The following ETV1 variants were observed in gnomAD, a reference collection of about 807,000 sequenced individuals.
ETV1 encodes ETS translocation variant 1.
Under a neutral mutation model 62.3 loss-of-function variants are expected in ETV1, and 27 were observed. The ratio of observed to expected loss-of-function variants is 0.43; its 90% CI spans 0.32 to 0.60. The LOEUF is 0.60. Ranked by LOEUF, ETV1 falls within the 20% of genes least tolerant of loss-of-function variation. The probability of loss-of-function intolerance (pLI) is 0.06; values close to 1 mark genes in which losing one functional copy is unlikely to be tolerated. For missense variants in ETV1, 605 were observed against 605.8 expected, an observed-to-expected ratio of 1.00 and a Z score of 0.01; for synonymous variants, 222 against 199.6, an observed-to-expected ratio of 1.11 and a Z score of -0.94.
chr7:13,894,616 C>G lies in ETV1; in HGVS notation c.*1250G>C, dbSNP rs898225800. 1.7e-5 allele frequency: 4 copies of G among 232,446 alleles called. No homozygotes were observed. The highest frequency in any genetic ancestry group is 8.8e-5 in the African/African-American group (4 of 45,296). 14.4% of individuals were successfully genotyped at this position (232,446 alleles called of 1,614,324 possible). A position where few individuals can be genotyped will look rare whatever the true frequency, so the allele number is the denominator to read the frequency against. On this transcript the variant is annotated 3_prime_UTR_variant, in exon 14 of 14. Transcript: ENST00000430479. Reference sequence around the variant, plus strand: ...TGCATAAAAGCTGCTTATAGCATAGCATGGCGTAAGCTATTTTTTAAGCAA... The same window carrying G: ...TGCATAAAAGCTGCTTATAGCATAGGATGGCGTAAGCTATTTTTTAAGCAA...
chr7:13,933,865 A>C (rs1315842624), intron 8 of ETV1, among the ~76,000 whole-genome samples: 2 of 152,214 alleles, frequency 1.3e-5, no homozygotes. Flanking sequence ...CAAGTAGAGA[A>C]ACTAAAATGA....
chr7:13,988,205 A>C (rs1782722677), intron 3 of ETV1, 32 bp from the exon 4 acceptor site: 2 of 1,448,050 alleles, frequency 1.4e-6, no homozygotes, highest in African/African-American at 1.4e-5. Flanking sequence ...CCTTTAAAAG[A>C]ATGTAAACCT....
At chr7:13,913,592 C>T (rs908816099) in intron 9 of ETV1, among the ~76,000 whole-genome samples, 4 of 152,140 alleles carry the variant, frequency 2.6e-5, no homozygotes, top group African/African-American at 9.7e-5. Context: ...ATTAATAACA[C>T]TATTTTTAAG....
intron 9 of ETV1, among the ~76,000 whole-genome samples, chr7:13,925,784 C>T (rs1785353838): frequency 6.6e-6 from 1 of 151,856 alleles, no homozygotes; most frequent in African/African-American, 2.4e-5. Context: ...TCTTGATCTC[C>T]TGACCTCGTG....
chr7:13,935,710 G>A lies in ETV1; in HGVS notation c.552C>T (p.His184=), dbSNP rs1786726287. The A allele has an allele frequency of 1.2e-6, 2 of 1,613,158 alleles. No homozygotes were observed. Among genetic ancestry groups the A allele is most frequent in the Non-Finnish European group, 1.7e-6 (2 of 1,179,490 alleles). ...GAAAACTGGTATCTGCAGGTTACCT[G>A]TGGTCCATGGGGTAGCTGCTATCTG... ...SIPDSSYPMD[H]RFRRQLSEPC... The change falls in exon 8 of 14, where the codon CAC becomes CAT. Residue 184 remains histidine, a splice_region_variant and synonymous_variant. Coordinates refer to ENST00000430479, the MANE Select transcript of ETV1 (RefSeq NM_004956.5).
chr7:13,926,443 G>A (rs545875132), intron 9 of ETV1, among the ~76,000 whole-genome samples: 74 of 152,252 alleles, frequency 4.9e-4, no homozygotes, highest in Admixed American at 2.2e-3. Context: ...TTGCGTCACT[G>A]GACATTCTGA....
At chr7:13,931,778 G>T in intron 8 of ETV1, 29 bp from the exon 9 acceptor site, 1 of 1,608,352 alleles carries the variant, frequency 6.2e-7, no homozygotes. Context: ...TGTTTCAGAT[G>T]AAACGGTAAC....
intron 9 of ETV1, among the ~76,000 whole-genome samples, chr7:13,927,093 T>C (rs1299515476): frequency 6.6e-6 from 1 of 152,090 alleles, no homozygotes; most frequent in Non-Finnish European, 1.5e-5. Flanking sequence ...CAATAAAGAG[T>C]TCTAAAGGTC....
At chr7:13,936,897 C>T (rs1028861588) in intron 7 of ETV1, among the ~76,000 whole-genome samples, 7 of 152,100 alleles carry the variant, frequency 4.6e-5, no homozygotes, top group African/African-American at 1.7e-4. Flanking sequence ...AAAAAATTAG[C>T]TGGGCGTGGT....
Position 13,918,877 on chromosome 7 carries a change from A to T in ETV1, c.803-7570T>A, listed in dbSNP as rs992220715. 8.6e-5 allele frequency among the ~76,000 whole-genome samples: 13 copies of T among 150,708 alleles called. 1 individual carries two copies. In the South Asian group the frequency reaches 1.0e-3, roughly 12 times the overall value. The stretch of plus-strand genomic sequence containing the variant: ...TACCCTAAAACTTAAAGTATAATAA[A>T]AAAAAAAAAAAAGAAGTTCAGCAAG... On this transcript the variant is annotated intron_variant, in intron 9 of 13. Coordinates refer to ENST00000430479, the MANE Select transcript of ETV1 (RefSeq NM_004956.5).
Position 13,891,835 on chromosome 7 carries a change from C to A in ETV1, c.*4031G>T, listed in dbSNP as rs944551840. 13 of 231,362 alleles carry A rather than the reference C, an allele frequency of 5.6e-5. No homozygotes were observed. Among genetic ancestry groups the A allele is most frequent in the Non-Finnish European group, 1.0e-4 (12 of 117,058 alleles). 14.3% of individuals were successfully genotyped at this position (231,362 alleles called of 1,614,324 possible). ...ATTTCCTCTCTTCTCCATACCAAAT[C>A]GCAAATGGAAAATAGCTTACTCACT... On this transcript the variant is annotated 3_prime_UTR_variant, in exon 14 of 14. Transcript: ENST00000430479.
At chr7:13,927,058 A>C (rs1015193015) in intron 9 of ETV1, among the ~76,000 whole-genome samples, 1 of 152,152 alleles carries the variant, frequency 6.6e-6, no homozygotes, top group Non-Finnish European at 1.5e-5. Flanking sequence ...TTATTTTCAC[A>C]ACATTTATGG....
At chr7:13,903,453 C>T (rs370187470) in intron 12 of ETV1, among the ~76,000 whole-genome samples, 28 of 152,066 alleles carry the variant, frequency 1.8e-4, no homozygotes, top group Middle Eastern at 3.4e-3. Context: ...GTCTTACAGA[C>T]GACTTTCTAT....
intron 13 of ETV1, among the ~76,000 whole-genome samples, chr7:13,899,202 A>G (rs1782149354): frequency 6.6e-6 from 1 of 152,196 alleles, no homozygotes; most frequent in Non-Finnish European, 1.5e-5. Flanking sequence ...GATGGTGGTG[A>G]AAAGAAAGGA....
At chr7:13,940,994 A>G (rs1175628205) in intron 6 of ETV1, among the ~76,000 whole-genome samples, 1 of 152,180 alleles carries the variant, frequency 6.6e-6, no homozygotes, top group Non-Finnish European at 1.5e-5. Flanking sequence ...TTGGTACACT[A>G]TTTCAAAGCA....
At chr7:13,900,026 G>C (rs1306848671) in intron 13 of ETV1, among the ~76,000 whole-genome samples, 1 of 152,196 alleles carries the variant, frequency 6.6e-6, no homozygotes, top group African/African-American at 2.4e-5. Context: ...CAACTTAGGA[G>C]GCTGAGGCAG....
At chr7:13,979,070 T>C (rs550596299) in intron 5 of ETV1, among the ~76,000 whole-genome samples, 4 of 152,244 alleles carry the variant, frequency 2.6e-5, no homozygotes, top group South Asian at 4.1e-4. Context: ...CAATATCTGA[T>C]ACTGTGGGTA....
rs762411647 is a variant in ETV1 at position 13,894,411 on chromosome 7, A to T, written c.*1455T>A. The T allele has an allele frequency of 6.4e-5, 15 of 232,606 alleles. No homozygotes were observed. The highest frequency in any genetic ancestry group is 1.1e-4 in the Non-Finnish European group (13 of 117,494). The allele number at this position is 232,606 out of a possible 1,614,324, so 14.4% of individuals were successfully genotyped here. ...TTTAAATCTTCTTTCAAACAATCCA[A>T]TCACATTTACAGAAGTGTCCAAAAA... is the stretch of plus-strand genomic sequence containing the variant. On this transcript the variant is annotated 3_prime_UTR_variant, in exon 14 of 14. Coordinates refer to ENST00000430479, the MANE Select transcript of ETV1 (RefSeq NM_004956.5).
intron 6 of ETV1, among the ~76,000 whole-genome samples, chr7:13,939,558 C>T (rs1787232258): frequency 6.6e-6 from 1 of 152,110 alleles, no homozygotes; most frequent in Admixed American, 6.5e-5. Flanking sequence ...ATTTTGAAAA[C>T]ATATCAGAAA....
Sources: gnomAD v4.1 joint callset for allele counts (sites outside exome capture counted in the v4.1 genomes callset) on GRCh38, gnomAD v4.1.1 for gene constraint, MANE v1.5 for transcripts, NCBI Gene and HGNC (gene_info 2026-07-23, HGNC 2026-07-21) for gene names.